The following EEF1A1 variants were observed in gnomAD, a reference collection of about 807,000 sequenced individuals.
EEF1A1 encodes the protein elongation factor 1-alpha 1.
A neutral mutation model predicts 38.5 loss-of-function variants in EEF1A1; 1 was observed. The ratio of observed to expected loss-of-function variants is 0.03; its 90% CI spans 0.01 to 0.12. EEF1A1 has a LOEUF of 0.12. EEF1A1 is among the 10% of genes least tolerant of loss of function. The pLI is 1.00. For missense variants in EEF1A1, 184 were observed against 588.3 expected (o/e 0.31, Z 7.11); for synonymous variants, 229 against 203.7 (o/e 1.12, Z -1.06).
intron 3 of EEF1A1, 49 bp from the exon 4 acceptor site, chr6:73,519,277 A>G: frequency 6.2e-7 from 1 of 1,606,070 alleles, no homozygotes; most frequent in Non-Finnish European, 8.5e-7. Context: ...AAATGACAAA[A>G]CCAGTGTACA....
rs569046122 is a variant in EEF1A1, at chr6:73,515,831, G to A, written c.*1979C>T. On this transcript the variant is annotated 3_prime_UTR_variant, in exon 8 of 8. Transcript: ENST00000309268. ...TGGTGCTCAAGCCACAGTTGTCTAAGACACTGGGTTTCACAGGAAGTTAAT... is the reference window on the plus strand; with the variant it reads ...TGGTGCTCAAGCCACAGTTGTCTAAAACACTGGGTTTCACAGGAAGTTAAT... 3.3e-5 allele frequency: 5 copies of A among 152,268 alleles called. No homozygotes were observed. The highest frequency in any genetic ancestry group is 2.0e-4 in the Admixed American group (3 of 15,300). 9.4% of individuals were successfully genotyped at this position (152,268 alleles called of 1,614,324 possible). A position where few individuals can be genotyped will look rare whatever the true frequency, so the allele number is the denominator to read the frequency against.
intron 2 of EEF1A1, 147 bp from the exon 3 acceptor site, chr6:73,519,663 A>G: frequency 8.5e-7 from 1 of 1,175,162 alleles, no homozygotes; most frequent in Non-Finnish European, 1.2e-6. Flanking sequence ...AAGCAACCAA[A>G]AATCAAACTT....
chr6:73,519,917 C>T lies in EEF1A1; in HGVS notation c.110G>A (p.Arg37Lys), dbSNP rs759800146. 6.2e-7 allele frequency: 1 copy of T among 1,612,148 alleles called. No individual in the cohort carries two copies. The highest frequency in any genetic ancestry group is 1.1e-5 in the South Asian group (1 of 91,052). The change falls in exon 2 of 8, where the codon AGA becomes AAA. Residue 37 changes from arginine (R) to lysine (K), a missense_variant. By Grantham distance (26) the Arg-to-Lys change is conservative. Around this residue, in one of 3 missense-constraint regions of EEF1A1, gnomAD observed 57 missense variants for 228.1 expected, o/e 0.25. Transcript: ENST00000309268. The part of the protein sequence containing the change: ...LIYKCGGIDK[R>K]TIEKFEKEAA... Reference sequence around the variant, plus strand: ...CTCCTTCTCAAATTTTTCAATGGTTCTTTTGTCGATGCCACCGCATTTATA... The same window carrying T: ...CTCCTTCTCAAATTTTTCAATGGTTTTTTTGTCGATGCCACCGCATTTATA...
rs1561963604 is a variant in EEF1A1, at chr6:73,520,075, AC to A, written c.-30-20del. ...ACGACACCTGAAATGGAAGAAAAAA[AC>A]TTTGAACCACTGTCTGAGGCTTGAG... On this transcript the variant is annotated intron_variant, in intron 1 of 7. Transcript: ENST00000309268. The A allele has an allele frequency of 6.4e-7, 1 of 1,569,004 alleles. No individual in the cohort carries two copies.
chr6:73,519,477 T>C lies in EEF1A1; in HGVS notation c.184A>G (p.Lys62Glu). The C allele has an allele frequency of 6.3e-7, 1 of 1,599,848 alleles. No individual in the cohort carries two copies. Among genetic ancestry groups the C allele is most frequent in the Non-Finnish European group, 8.5e-7 (1 of 1,179,156 alleles). The change falls in exon 3 of 8, where the codon AAA (lysine) becomes GAA (glutamate). Residue 62 changes from lysine (K) to glutamate (E), a missense_variant. Physicochemically the swap from Lys to Glu is moderately conservative, Grantham distance 56. Coordinates refer to ENST00000309268, the MANE Select transcript of EEF1A1 (RefSeq NM_001402.6). ...CCACGTTCACGCTCAGCTTTCAGTT[T>C]ATCCAAGACCCAGGCATACTTGAAG... ...GSFKYAWVLD[K>E]LKAERERGIT...
intron 7 of EEF1A1, 45 bp from the exon 8 acceptor site, chr6:73,517,979 G>A (rs1765563897): frequency 1.9e-6 from 3 of 1,612,762 alleles, no homozygotes; most frequent in Non-Finnish European, 2.5e-6. Flanking sequence ...CTGTTCAGTT[G>A]TATTTTTCAT....
At chr6:73,518,319 C>A in intron 6 of EEF1A1, 35 bp downstream of exon 6, 10 of 1,611,864 alleles carry the variant, frequency 6.2e-6, no homozygotes, top group Non-Finnish European at 8.5e-6. Context: ...TGACTTTAGC[C>A]TCTGCAATAA....
Position 73,516,428 on chromosome 6 carries a change from G to A in EEF1A1, c.*1382C>T, listed in dbSNP as rs1178811476. On this transcript the variant is annotated 3_prime_UTR_variant, in exon 8 of 8. Coordinates refer to ENST00000309268, the MANE Select transcript of EEF1A1 (RefSeq NM_001402.6). ...AGTTTGAGACCAGCCTGACCAACAT[G>A]GAAAAACCTCATCTCTATTAAAAAC... The A allele has an allele frequency of 1.3e-5, 2 of 151,990 alleles. No individual in the cohort carries two copies. The highest frequency in any genetic ancestry group is 2.9e-5 in the Non-Finnish European group (2 of 68,022). The allele number at this position is 151,990 out of a possible 1,614,324, so 9.4% of individuals were successfully genotyped here. A position where few individuals can be genotyped will look rare whatever the true frequency, so the allele number is the denominator to read the frequency against.
At position 73,519,660 on chromosome 6, in the gene EEF1A1, C is replaced by T. The variant is rs1765602165; in HGVS notation, c.145-144G>A. On this transcript the variant is annotated intron_variant, in intron 2 of 7. Transcript: ENST00000309268. ...AGTCACTTTGGGTTACAGAAGCAAC[C>T]AAAAATCAAACTTTTATAAGTCGGA... 2.6e-6 allele frequency: 3 copies of T among 1,173,828 alleles called. No homozygotes were observed. In the Admixed American group the frequency reaches 7.6e-5, roughly 30 times the overall value. 72.7% of individuals were successfully genotyped at this position (1,173,828 alleles called of 1,614,324 possible).
chr6:73,520,265 T>C lies in EEF1A1; in HGVS notation c.-30-209A>G, dbSNP rs901075945. 569 of 461,832 alleles carry C rather than the reference T, an allele frequency of 1.2e-3. 4 individuals are homozygous for C. The highest frequency in any genetic ancestry group is 1.7e-3 in the Middle Eastern group (3 of 1,758). The allele number at this position is 461,832 out of a possible 1,614,324, so 28.6% of individuals were successfully genotyped here. ...CGACGTACTCCAAAAGCTCGAGAAC[T>C]AATCGAGGTGCCTGGACGGCGCCCG... On this transcript the variant is annotated intron_variant, in intron 1 of 7. Transcript: ENST00000309268.
At position 73,519,524 on chromosome 6, in the gene EEF1A1, G is replaced by A. The variant is rs766074201; in HGVS notation, c.145-8C>T. The A allele has an allele frequency of 1.9e-6, 3 of 1,587,512 alleles. No homozygotes were observed. Among genetic ancestry groups the A allele is most frequent in the Admixed American group, 1.7e-5 (1 of 58,868 alleles). The stretch of plus-strand genomic sequence containing the variant: ...GAAGGAGCCCTTTCCCATCTGTAAG[G>A]ATTAAGAGTCGTTACTTGGTTACTA... On this transcript the variant is annotated splice_region_variant and splice_polypyrimidine_tract_variant and intron_variant, in intron 2 of 7. Coordinates refer to ENST00000309268, the MANE Select transcript of EEF1A1 (RefSeq NM_001402.6).
At chr6:73,519,660 C>A in intron 2 of EEF1A1, 144 bp from the exon 3 acceptor site, 1 of 1,173,944 alleles carries the variant, frequency 8.5e-7, no homozygotes, top group Non-Finnish European at 1.2e-6. Context: ...CAGAAGCAAC[C>A]AAAAATCAAA....
Position 73,516,359 on chromosome 6 carries a change from A to AATTC in EEF1A1, c.*1447_*1450dup, listed in dbSNP as rs1765514332. ...GCCAGGCATGGTGGCTCATGCCTGT[A>AATTC]ATTCCAGCACTTTAGGAGGCCGAGG... is the stretch of plus-strand genomic sequence containing the variant. On this transcript the variant is annotated 3_prime_UTR_variant, in exon 8 of 8. Transcript: ENST00000309268. The AATTC allele has an allele frequency of 6.6e-6, 1 of 152,196 alleles. No homozygotes were observed. The highest frequency in any genetic ancestry group is 2.1e-4 in the South Asian group (1 of 4,830). The allele number at this position is 152,196 out of a possible 1,614,324, so 9.4% of individuals were successfully genotyped here.
chr6:73,517,964 A>G, intron 7 of EEF1A1, 30 bp from the exon 8 acceptor site: 1 of 1,613,900 alleles, frequency 6.2e-7, no homozygotes, highest in South Asian at 1.1e-5. Flanking sequence ...TTATTACCCA[A>G]AGTACTGTTC....
chr6:73,517,957 T>C (rs375564518), intron 7 of EEF1A1, 23 bp from the exon 8 acceptor site: 2 of 1,613,918 alleles, frequency 1.2e-6, no homozygotes, highest in East Asian at 2.2e-5. Context: ...AAGTTAATTA[T>C]TACCCAAAGT....
At chr6:73,520,700 G>A (rs1323983086) in intron 1 of EEF1A1, 1 of 152,320 alleles carries the variant, frequency 6.6e-6, no homozygotes, top group African/African-American at 2.4e-5. Context: ...GAAAAAAAGC[G>A]TCGCAGCAGG....
In EEF1A1 at chr6:73,517,135, A is replaced by G. The variant is rs1241098970; in HGVS notation, c.*675T>C. ...ATGTCATGGCAAATAGTCAACTTTC[A>G]CTGCCCAGTCATTTTAACCCACGTT... On this transcript the variant is annotated 3_prime_UTR_variant, in exon 8 of 8. Coordinates refer to ENST00000309268, the MANE Select transcript of EEF1A1 (RefSeq NM_001402.6). 1 of 152,282 alleles carries G rather than the reference A, an allele frequency of 6.6e-6. No individual in the cohort carries two copies. The highest frequency in any genetic ancestry group is 2.4e-5 in the African/African-American group (1 of 41,446). The allele number at this position is 152,282 out of a possible 1,614,324, so 9.4% of individuals were successfully genotyped here.
At chr6:73,520,236 A>C in intron 1 of EEF1A1, 180 bp from the exon 2 acceptor site, 11 of 534,038 alleles carry the variant, frequency 2.1e-5, no homozygotes, top group East Asian at 6.9e-5. Context: ...CCCCAACCTA[A>C]AGACGACGTA....
rs1765642023 is a variant in EEF1A1 at position 73,520,981 on chromosome 6, A to AACCACACACGGC, written c.-31+7_-31+18dup. On this transcript the variant is annotated intron_variant, in intron 1 of 7. Coordinates refer to ENST00000309268, the MANE Select transcript of EEF1A1 (RefSeq NM_001402.6). Reference sequence around the variant, plus strand: ...CCCGTAAAGAGGCCAGGCCCGCGGGAACCACACACGGCACTTACCTGTGTT... The same window carrying AACCACACACGGC: ...CCCGTAAAGAGGCCAGGCCCGCGGGAACCACACACGGCACCACACACGGCACTTACCTGTGTT... The AACCACACACGGC allele has an allele frequency of 6.5e-6, 1 of 153,396 alleles. No homozygotes were observed. Among genetic ancestry groups the AACCACACACGGC allele is most frequent in the African/African-American group, 2.4e-5 (1 of 41,608 alleles). 9.5% of individuals were successfully genotyped at this position (153,396 alleles called of 1,614,324 possible). A position where few individuals can be genotyped will look rare whatever the true frequency, so the allele number is the denominator to read the frequency against.
Sources: allele counts gnomAD v4.1 joint callset, GRCh38; gene constraint gnomAD v4.1.1; regional missense constraint gnomAD v4.1.1; transcripts MANE v1.5; gene names NCBI Gene and HGNC (gene_info 2026-07-23, HGNC 2026-07-21).